Variants in SLC8A1 observed in about 807,000 individuals in gnomAD.
SLC8A1 encodes the protein sodium/calcium exchanger 1.
A neutral mutation model predicts 68.3 loss-of-function variants in SLC8A1; 18 were observed. The observed-to-expected ratio is 0.26, with a 90% CI of 0.18 to 0.39. The LOEUF is 0.39. SLC8A1 is among the 10% of genes least tolerant of loss of function. SLC8A1 has a pLI of 1.00. For synonymous variants in SLC8A1, 475 were observed against 415.5 expected (o/e 1.14, Z -1.74); for missense variants, 985 against 1,156.7 (o/e 0.85, Z 2.15).
intron 1 of SLC8A1, among the ~76,000 whole-genome samples, chr2:40,450,534 G>C (rs895931235): frequency 5.9e-5 from 9 of 152,160 alleles, no homozygotes; most frequent in Non-Finnish European, 2.9e-5. Flanking sequence ...AACCAGATCT[G>C]ATCAGAAATC....
exon 8 of SLC8A1, chr2:40,104,901 T>C (rs2034102132): frequency 6.6e-6 from 1 of 152,184 alleles, no homozygotes; most frequent in Admixed American, 6.5e-5. Flanking sequence ...TTTATTCTTT[T>C]TCCTTAGGTA....
chr2:40,211,026 G>C (rs2056487410), intron 2 of SLC8A1, among the ~76,000 whole-genome samples: 1 of 152,190 alleles, frequency 6.6e-6, no homozygotes, highest in South Asian at 2.1e-4. Flanking sequence ...GGAAAAGCCA[G>C]GCCATTCTGA....
chr2:40,372,502 T>A (rs1453311239), intron 2 of SLC8A1, among the ~76,000 whole-genome samples: 5 of 152,140 alleles, frequency 3.3e-5, no homozygotes, highest in Non-Finnish European at 5.9e-5. Context: ...ATGGCAAACA[T>A]CAAAAACAAC....
chr2:40,218,355 T>C (rs2057805565), intron 2 of SLC8A1, among the ~76,000 whole-genome samples: 1 of 152,168 alleles, frequency 6.6e-6, no homozygotes, highest in Non-Finnish European at 1.5e-5. Flanking sequence ...CACAGAATTT[T>C]TGAATAAAAC....
At chr2:40,346,047 T>TAAAAA (rs774555210) in intron 2 of SLC8A1, among the ~76,000 whole-genome samples, 129 of 41,624 alleles carry the variant, frequency 3.1e-3, no homozygotes, top group African/African-American at 4.1e-3. Context: ...ACATTAACAG[T>TAAAAA]AAAAAAAAAA....
chr2:40,165,751 G>C (rs1172685814), intron 4 of SLC8A1, among the ~76,000 whole-genome samples: 2 of 152,258 alleles, frequency 1.3e-5, no homozygotes, highest in East Asian at 3.9e-4. Flanking sequence ...AGGAGAGGAC[G>C]GTGGGTGCTG....
At position 40,416,439 on chromosome 2, in the gene SLC8A1, A is replaced by G. The variant is rs1693908299; in HGVS notation, c.1808+12034T>C. The stretch of plus-strand genomic sequence containing the variant: ...TTTGGCAAATAACTTTACTTTAAAA[A>G]GTAAGGCATAGACTAATTTAGAAAA... On this transcript the variant is annotated intron_variant, in intron 2 of 7. Coordinates refer to ENST00000406785, the Ensembl canonical transcript of SLC8A1. Among the ~76,000 whole-genome samples, 3 of 152,202 alleles carry G rather than the reference A, an allele frequency of 2.0e-5. No homozygotes were observed. In the South Asian group the frequency reaches 6.2e-4, roughly 31 times the overall value.
intron 2 of SLC8A1, among the ~76,000 whole-genome samples, chr2:40,289,792 T>G (rs138722272): frequency 0.012 from 1,837 of 151,598 alleles, 35 homozygotes; most frequent in African/African-American, 0.042. Flanking sequence ...ACTTAGGAGG[T>G]GGAGGTTGCA....
chr2:40,145,422 C>T (rs1050018528), intron 6 of SLC8A1, among the ~76,000 whole-genome samples: 1 of 152,164 alleles, frequency 6.6e-6, no homozygotes, highest in African/African-American at 2.4e-5. Flanking sequence ...TGGCCTGAAT[C>T]ATCACAAGTC....
intron 2 of SLC8A1, among the ~76,000 whole-genome samples, chr2:40,352,837 C>A (rs1305264254): frequency 6.6e-6 from 1 of 152,172 alleles, no homozygotes; most frequent in Non-Finnish European, 1.5e-5. Flanking sequence ...CTCGATATGT[C>A]TGTTGCATCC....
chr2:40,174,579 T>C (rs1297109840), intron 4 of SLC8A1, 127 bp downstream of exon 6: 1 of 911,178 alleles, frequency 1.1e-6, no homozygotes, highest in Non-Finnish European at 1.7e-6. Flanking sequence ...GTTAAATGTG[T>C]AAAACCAGCA....
chr2:40,488,265 A>C (rs998265885), intron 1 of SLC8A1, among the ~76,000 whole-genome samples: 6 of 151,716 alleles, frequency 4.0e-5, no homozygotes, highest in African/African-American at 1.5e-4. Context: ...AAAGGATTTT[A>C]ATGAATAATC....
At chr2:40,170,235 A>AACTC (rs769085730) in intron 4 of SLC8A1, 46 bp downstream of exon 7, 1 of 1,540,670 alleles carries the variant, frequency 6.5e-7, no homozygotes, top group Non-Finnish European at 9.0e-7. Context: ...AACATTAAAG[A>AACTC]ACTCTGGGAG....
intron 2 of SLC8A1, among the ~76,000 whole-genome samples, chr2:40,235,974 A>G (rs2148926668): frequency 6.6e-6 from 1 of 151,264 alleles, no homozygotes; most frequent in Non-Finnish European, 1.5e-5. Context: ...ATAGTTTGTT[A>G]TAATTTCTGT....
intron 2 of SLC8A1, among the ~76,000 whole-genome samples, chr2:40,241,676 G>C (rs1463967719): frequency 6.6e-6 from 1 of 151,962 alleles, no homozygotes; most frequent in African/African-American, 2.4e-5. Flanking sequence ...GAGTGTGAAG[G>C]TGGTCCATCT....
chr2:40,159,281 A>C (rs1218787005), intron 6 of SLC8A1, among the ~76,000 whole-genome samples: 1 of 152,218 alleles, frequency 6.6e-6, no homozygotes, highest in Non-Finnish European at 1.5e-5. Context: ...CCACTTGGGC[A>C]GGGGTATTTG....
At chr2:40,157,428 C>G (rs2044756776) in intron 6 of SLC8A1, among the ~76,000 whole-genome samples, 1 of 152,076 alleles carries the variant, frequency 6.6e-6, no homozygotes, top group African/African-American at 2.4e-5. Context: ...TCTCCAAAGC[C>G]AGCCTTGCAA....
At chr2:40,407,414 T>C (rs777640899) in intron 2 of SLC8A1, among the ~76,000 whole-genome samples, 17 of 152,204 alleles carry the variant, frequency 1.1e-4, no homozygotes, top group Non-Finnish European at 2.2e-4. Flanking sequence ...ATGAGATGAT[T>C]TATTAGATGC....
At chr2:40,101,081 C>T (rs993240309) in exon 8 of SLC8A1, 2 of 152,110 alleles carry the variant, frequency 1.3e-5, no homozygotes, top group East Asian at 1.9e-4. Context: ...CACACATACA[C>T]ACATATAACC....
Sources: allele counts gnomAD v4.1 joint callset (sites outside exome capture counted in the v4.1 genomes callset), GRCh38; gene constraint gnomAD v4.1.1; transcripts MANE v1.5; gene names NCBI Gene and HGNC (gene_info 2026-07-23, HGNC 2026-07-21).